Variants in RFX4 observed in about 807,000 individuals in gnomAD.
RFX4 encodes transcription factor RFX4.
RFX4 carries 10 observed loss-of-function variants against 95.0 expected under a neutral mutation model. The observed-to-expected ratio is 0.11, with a 90% CI of 0.06 to 0.18. RFX4 has a LOEUF of 0.18. RFX4 is among the 10% of genes least tolerant of loss of function. The probability of loss-of-function intolerance (pLI) is 1.00; values close to 1 mark genes in which losing one functional copy is unlikely to be tolerated. For synonymous variants in RFX4, 321 were observed against 340.7 expected (o/e 0.94, Z 0.64); for missense variants, 640 against 922.0 (o/e 0.69, Z 3.96).
chr12:106,601,035 A>C, intron 1 of RFX4: 1 of 900,206 alleles, frequency 1.1e-6, no homozygotes. Flanking sequence ...GTCAAACAGT[A>C]GGTTCTAAAT....
chr12:106,654,837 G>C (rs1368749960), intron 4 of RFX4, among the ~76,000 whole-genome samples: 1 of 152,150 alleles, frequency 6.6e-6, no homozygotes, highest in African/African-American at 2.4e-5. Flanking sequence ...CACATTTAGA[G>C]CTATGTCTAC....
At chr12:106,648,947 T>C (rs2040807239) in intron 3 of RFX4, among the ~76,000 whole-genome samples, 1 of 152,084 alleles carries the variant, frequency 6.6e-6, no homozygotes, top group African/African-American at 2.4e-5. Context: ...TGTGAGGAAG[T>C]CTTCTTAAAA....
At chr12:106,733,710 C>A (rs1450940524) in intron 15 of RFX4, among the ~76,000 whole-genome samples, 2 of 152,134 alleles carry the variant, frequency 1.3e-5, no homozygotes, top group Admixed American at 1.3e-4. Context: ...GCTAGAGCTG[C>A]CGGGCACATA....
chr12:106,623,188 A>G (rs1046777246), intron 2 of RFX4, among the ~76,000 whole-genome samples: 18 of 149,934 alleles, frequency 1.2e-4, no homozygotes, highest in African/African-American at 1.7e-4. Flanking sequence ...ACAGGCGCCC[A>G]CCACTGCACC....
At chr12:106,728,059 T>C (rs1247253679) in intron 13 of RFX4, among the ~76,000 whole-genome samples, 1 of 152,182 alleles carries the variant, frequency 6.6e-6, no homozygotes, top group South Asian at 2.1e-4. Flanking sequence ...AAAAAATTGG[T>C]GGTGATTACA....
chr12:106,702,255 A>T (rs1230836370), intron 8 of RFX4, among the ~76,000 whole-genome samples: 1 of 152,096 alleles, frequency 6.6e-6, no homozygotes, highest in African/African-American at 2.4e-5. Flanking sequence ...TTGGCTGCCA[A>T]ACAGTGTGTA....
intron 4 of RFX4, 102 bp downstream of exon 4, chr12:106,654,453 GTACTTACT>G (rs2040916741): frequency 3.7e-6 from 5 of 1,356,468 alleles, no homozygotes; most frequent in Non-Finnish European, 4.9e-6. Context: ...AGTTATCAAA[GTACTTACT>G]TACTTTGGTA....
At chr12:106,599,163 C>CT (rs572641913) in intron 1 of RFX4, among the ~76,000 whole-genome samples, 1,592 of 143,104 alleles carry the variant, frequency 0.011, 15 homozygotes, top group Admixed American at 0.019. Context: ...TTTCCTCGTT[C>CT]TTTTTTTTTT....
intron 7 of RFX4, among the ~76,000 whole-genome samples, chr12:106,691,679 T>G (rs905912804): frequency 1.3e-5 from 2 of 152,214 alleles, no homozygotes; most frequent in African/African-American, 4.8e-5. Flanking sequence ...ACTTGTTCAT[T>G]GTTTGTCTCT....
intron 17 of RFX4, among the ~76,000 whole-genome samples, chr12:106,753,225 C>T (rs1364273406): frequency 6.6e-6 from 1 of 152,130 alleles, no homozygotes; most frequent in East Asian, 1.9e-4. Flanking sequence ...CATGCCAGCC[C>T]ACATGTGGTT....
intron 2 of RFX4, among the ~76,000 whole-genome samples, chr12:106,614,477 C>CTGTGTGTGTGTGTGTGTGTGTGTGTGTG (rs34226201): frequency 7.8e-6 from 1 of 127,764 alleles, no homozygotes; most frequent in South Asian, 2.9e-4. Context: ...CGTCTTTTGC[C>CTGTGTGTGTGTGTGTGTGTGTGTGTGTG]TGTGTGTGTG....
chr12:106,680,291 G>A (rs2041481237), intron 4 of RFX4, among the ~76,000 whole-genome samples: 1 of 152,050 alleles, frequency 6.6e-6, no homozygotes, highest in South Asian at 2.1e-4. Context: ...CAGTCTTCAA[G>A]GTTCTCAATT....
chr12:106,732,827 A>G, intron 14 of RFX4, 97 bp from the exon 15 acceptor site: 5 of 1,222,612 alleles, frequency 4.1e-6, no homozygotes, highest in Non-Finnish European at 5.8e-6. Context: ...AGAGAGTGAC[A>G]TCACACAGAT....
At chr12:106,597,283 G>A (rs917572403) in intron 1 of RFX4, among the ~76,000 whole-genome samples, 3 of 152,064 alleles carry the variant, frequency 2.0e-5, no homozygotes, top group African/African-American at 7.2e-5. Context: ...AGGCCCATGA[G>A]GTTAAGTAAT....
In RFX4 at chr12:106,681,927, G is replaced by C. The variant is rs2041523197; in HGVS notation, c.316-66G>C. The C allele has an allele frequency of 1.9e-6, 3 of 1,560,346 alleles. No individual in the cohort carries two copies. The African/African-American group carries it at 4.1e-5, about 21-fold the overall frequency. On this transcript the variant is annotated intron_variant, in intron 4 of 17. Coordinates refer to ENST00000392842, the MANE Select transcript of RFX4 (RefSeq NM_213594.3). ...TCCTCCCTTCTGTAGATGGCTATTTGTAAAACTCAGTCACTATGCTCCCAA... is the reference window on the plus strand; with the variant it reads ...TCCTCCCTTCTGTAGATGGCTATTTCTAAAACTCAGTCACTATGCTCCCAA...
At chr12:106,759,214 C>T (rs2043166948) in intron 17 of RFX4, among the ~76,000 whole-genome samples, 1 of 152,092 alleles carries the variant, frequency 6.6e-6, no homozygotes, top group African/African-American at 2.4e-5. Flanking sequence ...TAAAGAATGA[C>T]AAAAGGGCAG....
At position 106,742,530 on chromosome 12, in the gene RFX4, G is replaced by A. The variant is rs138065227; in HGVS notation, c.1634-4907G>A. On this transcript the variant is annotated intron_variant, in intron 15 of 17. Transcript: ENST00000392842. The stretch of plus-strand genomic sequence containing the variant: ...TTAACATACAGAATGTGTGACAGGA[G>A]GCAGTATGTTATAGAGCTTTGTTAC... Among the ~76,000 whole-genome samples the A allele has an allele frequency of 4.2e-3, 637 of 152,252 alleles. 1 individual carries two copies. Among genetic ancestry groups the A allele is most frequent in the African/African-American group, 0.014 (583 of 41,538 alleles).
At chr12:106,692,791 C>A (rs1446275729) in intron 7 of RFX4, among the ~76,000 whole-genome samples, 1 of 152,200 alleles carries the variant, frequency 6.6e-6, no homozygotes, top group Non-Finnish European at 1.5e-5. Flanking sequence ...TAAATGCCTA[C>A]ACGATGCCAA....
At chr12:106,713,645 A>G (rs1250635532) in intron 10 of RFX4, among the ~76,000 whole-genome samples, 1 of 152,180 alleles carries the variant, frequency 6.6e-6, no homozygotes, top group African/African-American at 2.4e-5. Flanking sequence ...AACAGTAGCC[A>G]CTTTTATTGA....
Sources: gnomAD v4.1 joint callset for allele counts (sites outside exome capture counted in the v4.1 genomes callset) on GRCh38, gnomAD v4.1.1 for gene constraint, MANE v1.5 for transcripts, NCBI Gene and HGNC (gene_info 2026-07-23, HGNC 2026-07-21) for gene names.